CFDP1: variants seen among roughly 807,000 people sequenced by gnomAD.
CFDP1 encodes the protein heterochromatin-stabilizing protein CFDP1.
A neutral mutation model predicts 40.1 loss-of-function variants in CFDP1; 31 were observed. The observed-to-expected ratio is 0.77, with a 90% CI of 0.58 to 1.04. The LOEUF (loss-of-function observed/expected upper bound fraction) is 1.04, where lower values mean the gene tolerates loss of function less well. Ranked by LOEUF, CFDP1 falls within the 50% of genes least tolerant of loss-of-function variation. CFDP1 has a pLI of 0.00. For synonymous variants in CFDP1, 167 were observed against 120.0 expected (o/e 1.39, Z -2.56); for missense variants, 423 against 343.4 (o/e 1.23, Z -1.83).
chr16:75,367,392 G>A (rs952514155), intron 5 of CFDP1, among the ~76,000 whole-genome samples: 1 of 145,574 alleles, frequency 6.9e-6, no homozygotes. Flanking sequence ...ATGTACCTAT[G>A]TAACAAACCT....
intron 5 of CFDP1, among the ~76,000 whole-genome samples, chr16:75,343,302 G>A (rs533507248): frequency 2.6e-5 from 4 of 152,110 alleles, no homozygotes; most frequent in Admixed American, 6.5e-5. Flanking sequence ...AGGCCTCTCC[G>A]CACATGCATG....
chr16:75,430,254 C>A (rs138214756), intron 1 of CFDP1, among the ~76,000 whole-genome samples: 5 of 152,082 alleles, frequency 3.3e-5, no homozygotes, highest in Admixed American at 1.3e-4. Context: ...CACTGCAACC[C>A]CACGCCCCTG....
At chr16:75,425,535 A>G (rs1311489133) in intron 1 of CFDP1, among the ~76,000 whole-genome samples, 3 of 152,124 alleles carry the variant, frequency 2.0e-5, no homozygotes, top group African/African-American at 4.8e-5. Flanking sequence ...CTGTGGAAAC[A>G]GAGGCCCAGA....
chr16:75,299,411 C>T (rs1332027698), intron 6 of CFDP1, among the ~76,000 whole-genome samples: 1 of 142,492 alleles, frequency 7.0e-6, no homozygotes, highest in African/African-American at 2.5e-5. Context: ...CACGGTGAAA[C>T]CCCATCTCTA....
At chr16:75,297,351 C>A (rs1597314962) in intron 6 of CFDP1, among the ~76,000 whole-genome samples, 1 of 152,136 alleles carries the variant, frequency 6.6e-6, no homozygotes, top group South Asian at 2.1e-4. Context: ...TTGACTTTAC[C>A]TCTACAGAAC....
chr16:75,297,189 TG>T (rs2078189514), intron 6 of CFDP1, among the ~76,000 whole-genome samples: 2 of 151,096 alleles, frequency 1.3e-5, no homozygotes, highest in South Asian at 4.2e-4. Context: ...TGTGTGTGTG[TG>T]TGTGTTTTTA....
intron 5 of CFDP1, among the ~76,000 whole-genome samples, chr16:75,392,124 G>A (rs1421533717): frequency 6.6e-6 from 1 of 152,116 alleles, no homozygotes; most frequent in Non-Finnish European, 1.5e-5. Flanking sequence ...ACAGCTTGTT[G>A]GATGGGTGCA....
chr16:75,337,935 TATCCACAGATG>T (rs1226999254), intron 5 of CFDP1, among the ~76,000 whole-genome samples: 1 of 152,206 alleles, frequency 6.6e-6, no homozygotes, highest in African/African-American at 2.4e-5. Flanking sequence ...GTGACTTCAG[TATCCACAGATG>T]ATCCAAACCT....
intron 5 of CFDP1, among the ~76,000 whole-genome samples, chr16:75,388,264 C>T (rs993703313): frequency 1.3e-5 from 2 of 152,186 alleles, no homozygotes; most frequent in Admixed American, 1.3e-4. Context: ...AAACATTTAG[C>T]ATTGTGCCTT....
At chr16:75,355,125 TG>T (rs2078637571) in intron 5 of CFDP1, among the ~76,000 whole-genome samples, 1 of 152,248 alleles carries the variant, frequency 6.6e-6, no homozygotes, top group African/African-American at 2.4e-5. Context: ...AAAATGCTGC[TG>T]ATCATCTGAG....
chr16:75,384,425 T>C (rs1449356559), intron 5 of CFDP1, among the ~76,000 whole-genome samples: 3 of 152,162 alleles, frequency 2.0e-5, no homozygotes, highest in African/African-American at 4.8e-5. Flanking sequence ...GTTATAAAGA[T>C]ACAGTTACTA....
At chr16:75,379,361 G>C (rs2078833479) in intron 5 of CFDP1, among the ~76,000 whole-genome samples, 1 of 140,430 alleles carries the variant, frequency 7.1e-6, no homozygotes, top group Non-Finnish European at 1.6e-5. Flanking sequence ...AGAGAGAGAA[G>C]GCACAAATTA....
chr16:75,321,697 C>T (rs2078364707), intron 5 of CFDP1, among the ~76,000 whole-genome samples: 2 of 152,144 alleles, frequency 1.3e-5, no homozygotes, highest in South Asian at 2.1e-4. Flanking sequence ...GTATTCTCTC[C>T]CTTGGACACC....
intron 2 of CFDP1, among the ~76,000 whole-genome samples, chr16:75,414,206 T>C (rs1256702211): frequency 6.6e-6 from 1 of 152,054 alleles, no homozygotes; most frequent in African/African-American, 2.4e-5. Context: ...TTATATTTTT[T>C]TTCTAAAAAA....
Position 75,297,146 on chromosome 16 carries a change from T to TGTGTGTGTGTGTGTGTGTGTG in CFDP1, c.810-3105_810-3104insCACACACACACACACACACAC, listed in dbSNP as rs1491503380. ...GCTTGGGGTTCTTGCTTCCCATTTC[T>TGTGTGTGTGTGTGTGTGTGTG]TGTGTGTGTGTGTGTGTGTCTGTGT... On this transcript the variant is annotated intron_variant, in intron 6 of 6. Coordinates refer to ENST00000283882, the MANE Select transcript of CFDP1 (RefSeq NM_006324.3). 1.8e-3 allele frequency among the ~76,000 whole-genome samples: 244 copies of TGTGTGTGTGTGTGTGTGTGTG among 133,076 alleles called. 11 individuals carry two copies. The highest frequency in any genetic ancestry group is 3.3e-3 in the East Asian group (15 of 4,514). The allele number at this position is 133,076 out of a possible 152,430, so 87.3% of individuals were successfully genotyped here.
intron 5 of CFDP1, among the ~76,000 whole-genome samples, chr16:75,370,959 C>T (rs1425671232): frequency 6.6e-6 from 1 of 152,196 alleles, no homozygotes; most frequent in Admixed American, 6.5e-5. Context: ...AGGTTGGGAT[C>T]TATCTCACTT....
intron 5 of CFDP1, among the ~76,000 whole-genome samples, chr16:75,390,552 A>G (rs1183517151): frequency 6.6e-6 from 1 of 152,198 alleles, no homozygotes; most frequent in Non-Finnish European, 1.5e-5. Context: ...TTCGGAGTTG[A>G]GCACTCTCTC....
chr16:75,330,985 A>AAAC (rs1555554967), intron 5 of CFDP1, among the ~76,000 whole-genome samples: 1 of 142,612 alleles, frequency 7.0e-6, no homozygotes, highest in African/African-American at 2.7e-5. Flanking sequence ...AAAAAAAAAA[A>AAAC]CACAAAGTGG....
At chr16:75,366,872 A>AT (rs1299586486) in intron 5 of CFDP1, among the ~76,000 whole-genome samples, 1 of 151,378 alleles carries the variant, frequency 6.6e-6, no homozygotes, top group African/African-American at 2.4e-5. Context: ...ACTTTAAAAA[A>AT]TTTACTATAG....
Sources: gnomAD v4.1 joint callset for allele counts (sites outside exome capture counted in the v4.1 genomes callset) on GRCh38, gnomAD v4.1.1 for gene constraint, MANE v1.5 for transcripts, NCBI Gene and HGNC (gene_info 2026-07-23, HGNC 2026-07-21) for gene names.